MINK1: variants seen among roughly 807,000 people sequenced by gnomAD.
MINK1 encodes the protein misshapen-like kinase 1.
A neutral mutation model predicts 178.4 loss-of-function variants in MINK1; 46 were observed. The ratio of observed to expected loss-of-function variants is 0.26; its 90% CI spans 0.20 to 0.33. MINK1 has a LOEUF of 0.33. Among genes scored for constraint, MINK1 ranks in the 10% least tolerant of loss-of-function variants. The pLI, the probability that MINK1 is intolerant of heterozygous loss-of-function variation, is 1.00. For missense variants in MINK1, 1,366 were observed against 1,814.9 expected, an observed-to-expected ratio of 0.75 and a Z score of 4.49; for synonymous variants, 797 against 709.7, an observed-to-expected ratio of 1.12 and a Z score of -1.96.
chr17:4,876,055 AAAGT>A (rs1967156709), intron 1 of MINK1, among the ~76,000 whole-genome samples: 1 of 151,906 alleles, frequency 6.6e-6, no homozygotes, highest in Admixed American at 6.6e-5. Context: ...TCAGCCTCTC[AAAGT>A]GCTGGGATTA....
chr17:4,875,257 C>T (rs2150965238), intron 1 of MINK1: 1 of 503,494 alleles, frequency 2.0e-6, no homozygotes, highest in Non-Finnish European at 4.0e-6. Context: ...TGTTAGCCCC[C>T]TGCACTGCAG....
intron 1 of MINK1, among the ~76,000 whole-genome samples, chr17:4,835,155 C>T (rs1170637851): frequency 6.6e-6 from 1 of 152,106 alleles, no homozygotes; most frequent in Non-Finnish European, 1.5e-5. Context: ...TTAAGGTCAG[C>T]TTGGCCAGGG....
chr17:4,868,765 A>G (rs1915418182), intron 1 of MINK1: 1 of 263,564 alleles, frequency 3.8e-6, no homozygotes, highest in South Asian at 2.9e-5. Context: ...CTTTTTTTTG[A>G]GACAGGGTCT....
Position 4,885,343 on chromosome 17 carries a change from G to T in MINK1, c.509-140G>T. Reference sequence around the variant, plus strand: ...ATCGGGTTCTTCAGGATGGTGGTGGGGTAAAGGAGGGTGCTGGGGTGTCTG... The same window carrying T: ...ATCGGGTTCTTCAGGATGGTGGTGGTGTAAAGGAGGGTGCTGGGGTGTCTG... On this transcript the variant is annotated intron_variant, in intron 6 of 31. Transcript: ENST00000355280. The surrounding 1 kb of genome is among the most constrained non-coding windows in gnomAD (Gnocchi z 5.0). The T allele has an allele frequency of 5.5e-6, 6 of 1,094,128 alleles. No homozygotes were observed. The highest frequency in any genetic ancestry group is 7.9e-6 in the Non-Finnish European group (6 of 759,902). The allele number at this position is 1,094,128 out of a possible 1,614,324, so 67.8% of individuals were successfully genotyped here.
In MINK1 at chr17:4,859,979, C is replaced by G. The variant is rs1444617389; in HGVS notation, c.58-18338C>G. On this transcript the variant is annotated intron_variant, in intron 1 of 31. Coordinates refer to ENST00000355280, the MANE Select transcript of MINK1 (RefSeq NM_153827.5). ...AGGGAAGGGGCGCGTCCGGGAACTA[C>G]TTGCCGCATGCGGAGCGGGGTACAG... Among the ~76,000 whole-genome samples the G allele has an allele frequency of 5.3e-5, 8 of 151,762 alleles. No individual in the cohort carries two copies. In the East Asian group the frequency reaches 1.4e-3, roughly 26 times the overall value.
intron 1 of MINK1, among the ~76,000 whole-genome samples, chr17:4,865,956 A>G (rs1267176024): frequency 6.6e-6 from 1 of 152,220 alleles, no homozygotes; most frequent in Non-Finnish European, 1.5e-5. Flanking sequence ...GAAAGAAAAC[A>G]AAGACATACC....
In MINK1 at chr17:4,885,397, G is replaced by A. The variant is rs1257891374; in HGVS notation, c.509-86G>A. The stretch of plus-strand genomic sequence containing the variant: ...CGGGCCAGGACCACAGCTGGCTCAG[G>A]CAAGTCCTGTGTGTGCACGCAGGGA... On this transcript the variant is annotated intron_variant, in intron 6 of 31. Transcript: ENST00000355280. This position sits in a 1 kb window ranked among gnomAD's most constrained non-coding sequence, Gnocchi z 5.0. The A allele has an allele frequency of 1.9e-6, 3 of 1,555,356 alleles. No homozygotes were observed. The African/African-American group carries it at 4.1e-5, about 21-fold the overall frequency.
chr17:4,883,544 T>C (rs1285463591), intron 4 of MINK1, among the ~76,000 whole-genome samples: 1 of 150,960 alleles, frequency 6.6e-6, no homozygotes, highest in East Asian at 2.0e-4. Flanking sequence ...TGTTTGTTTG[T>C]TTTTTGAGAC....
intron 1 of MINK1, among the ~76,000 whole-genome samples, chr17:4,845,556 G>C (rs1242988579): frequency 6.6e-6 from 1 of 152,116 alleles, no homozygotes; most frequent in Non-Finnish European, 1.5e-5. Flanking sequence ...GGCCTCGACA[G>C]TTGAGAGCCA....
rs367726348 is a variant in MINK1 at position 4,844,659 on chromosome 17, T to C, written c.57+11019T>C. The C allele has an allele frequency of 4.9e-4, 212 of 428,834 alleles. 4 individuals carry two copies. Among genetic ancestry groups the C allele is most frequent in the Admixed American group, 3.7e-3 (119 of 32,166 alleles). The allele number at this position is 428,834 out of a possible 1,614,324, so 26.6% of individuals were successfully genotyped here. A position where few individuals can be genotyped will look rare whatever the true frequency, so the allele number is the denominator to read the frequency against. On this transcript the variant is annotated intron_variant, in intron 1 of 31. Transcript: ENST00000355280. ...CCACGGGGCTCGTACCCAGAACTAA[T>C]AGAGATTTCTAAATGTAGGGCCGCT...
At chr17:4,844,496 C>A in intron 1 of MINK1, 2 of 466,026 alleles carry the variant, frequency 4.3e-6, no homozygotes, top group South Asian at 3.1e-5. Flanking sequence ...CACTTGGCCT[C>A]TAGATCTGTG....
intron 1 of MINK1, chr17:4,875,055 CAGAA>C: frequency 1.9e-6 from 1 of 520,076 alleles, no homozygotes; most frequent in Non-Finnish European, 3.8e-6. Flanking sequence ...CCCTCCTTCT[CAGAA>C]AGAGCTACAG....
chr17:4,871,138 A>G (rs1915810561), intron 1 of MINK1: 2 of 262,798 alleles, frequency 7.6e-6, no homozygotes, highest in South Asian at 5.7e-5. Context: ...ATGTTGCAAC[A>G]TCTAGCAGTA....
intron 5 of MINK1, among the ~76,000 whole-genome samples, 174 bp downstream of exon 5, chr17:4,884,647 T>C (rs941414190): frequency 6.6e-6 from 1 of 152,156 alleles, no homozygotes; most frequent in Admixed American, 6.5e-5. Flanking sequence ...AGTCTCAGGC[T>C]GTTGGAGGAG....
At position 4,894,744 on chromosome 17, in the gene MINK1, C is replaced by T; in HGVS notation, c.2917+111C>T. The T allele has an allele frequency of 1.2e-6, 1 of 846,728 alleles. No homozygotes were observed. The highest frequency in any genetic ancestry group is 1.5e-5 in the South Asian group (1 of 64,586). The allele number at this position is 846,728 out of a possible 1,614,324, so 52.5% of individuals were successfully genotyped here. A position where few individuals can be genotyped will look rare whatever the true frequency, so the allele number is the denominator to read the frequency against. On this transcript the variant is annotated intron_variant, in intron 24 of 31. Coordinates refer to ENST00000355280, the MANE Select transcript of MINK1 (RefSeq NM_153827.5). This position sits in a 1 kb window ranked among gnomAD's most constrained non-coding sequence, Gnocchi z 4.1. ...ACAAAGCATAGCCACAGGACCTCTC[C>T]CTTGGGCCCTAGCACCTGCCTGGGC...
intron 1 of MINK1, among the ~76,000 whole-genome samples, chr17:4,853,537 C>T (rs1366292658): frequency 6.6e-6 from 1 of 151,870 alleles, no homozygotes; most frequent in East Asian, 1.9e-4. Flanking sequence ...TGAGCGCTTG[C>T]TTCACCTTGA....
chr17:4,847,536 T>TA (rs1456868467), intron 1 of MINK1, among the ~76,000 whole-genome samples: 1 of 152,196 alleles, frequency 6.6e-6, no homozygotes, highest in African/African-American at 2.4e-5. Context: ...TATTTCTTCC[T>TA]AAAAATTTTT....
chr17:4,867,074 AAATAAT>A (rs56934978), intron 1 of MINK1, among the ~76,000 whole-genome samples: 102 of 119,964 alleles, frequency 8.5e-4, no homozygotes, highest in African/African-American at 2.7e-3. Context: ...ACTCGTCTCA[AAATAAT>A]AATAATAATA....
rs562746636 is a variant in MINK1 at position 4,843,146 on chromosome 17, C to T, written c.57+9506C>T. Among the ~76,000 whole-genome samples, 5 of 152,234 alleles carry T rather than the reference C, an allele frequency of 3.3e-5. No homozygotes were observed. The East Asian group carries it at 7.7e-4, about 23-fold the overall frequency. On this transcript the variant is annotated intron_variant, in intron 1 of 31. Coordinates refer to ENST00000355280, the MANE Select transcript of MINK1 (RefSeq NM_153827.5). ...TGGAAACTACCTGAGCCCCACGTGTCGAAGCAGGGTAGGGGGAACAGGCAG... is the reference window on the plus strand; with the variant it reads ...TGGAAACTACCTGAGCCCCACGTGTTGAAGCAGGGTAGGGGGAACAGGCAG...
Sources: allele counts gnomAD v4.1 joint callset (sites outside exome capture counted in the v4.1 genomes callset), GRCh38; gene constraint gnomAD v4.1.1; non-coding constraint Gnocchi (gnomAD v3.1); transcripts MANE v1.5; gene names NCBI Gene and HGNC (gene_info 2026-07-23, HGNC 2026-07-21).